C1QTNF3: variants seen among roughly 807,000 people sequenced by gnomAD.
C1QTNF3 encodes C1q and TNF related 3.
In C1QTNF3, 26 loss-of-function variants were observed where a neutral mutation model predicts 32.6. The observed-to-expected ratio is 0.80, with a 90% CI of 0.58 to 1.11. The LOEUF (loss-of-function observed/expected upper bound fraction) is 1.11. Ranked by LOEUF, C1QTNF3 falls within the 50% of genes least tolerant of loss-of-function variation. The pLI, the probability that C1QTNF3 is intolerant of heterozygous loss-of-function variation, is 0.00. For missense variants in C1QTNF3, 362 were observed against 398.2 expected (o/e 0.91, Z 0.77); for synonymous variants, 155 against 146.0 (o/e 1.06, Z -0.44).
At chr5:34,133,958 A>G in the C1QTNF3 span, among the ~76,000 whole-genome samples, 1 of 152,224 alleles carries the variant, frequency 6.6e-6, no homozygotes, top group Non-Finnish European at 1.5e-5. Context: ...CCAGCTGACT[A>G]TCCAAATGAG....
chr5:34,048,300 G>GAGAGAGAA, the C1QTNF3 span, among the ~76,000 whole-genome samples: 3 of 151,268 alleles, frequency 2.0e-5, no homozygotes, highest in African/African-American at 7.3e-5. Flanking sequence ...GAGAGAGAGA[G>GAGAGAGAA]AGAGAGAGAG....
the C1QTNF3 span, among the ~76,000 whole-genome samples, chr5:34,075,495 T>C: frequency 6.6e-6 from 1 of 151,618 alleles, no homozygotes; most frequent in South Asian, 2.1e-4. Context: ...TTAAGCATTA[T>C]TTAACCCAAT....
the C1QTNF3 span, among the ~76,000 whole-genome samples, chr5:34,073,587 T>C: frequency 6.6e-6 from 1 of 152,192 alleles, no homozygotes; most frequent in Non-Finnish European, 1.5e-5. Flanking sequence ...ACAGAATTTC[T>C]CAGACAAGAG....
the C1QTNF3 span, among the ~76,000 whole-genome samples, chr5:34,178,012 A>C: frequency 6.6e-6 from 1 of 150,806 alleles, no homozygotes; most frequent in Non-Finnish European, 1.5e-5. Flanking sequence ...CATGCCTGTA[A>C]TTCCAGCACT....
the C1QTNF3 span, among the ~76,000 whole-genome samples, chr5:34,085,828 T>C: frequency 6.6e-6 from 1 of 151,754 alleles, no homozygotes; most frequent in African/African-American, 2.4e-5. Flanking sequence ...GGAACACTTT[T>C]ACACTGTTGG....
At chr5:34,030,224 C>A (rs781472889) in intron 3 of C1QTNF3, among the ~76,000 whole-genome samples, 4 of 152,106 alleles carry the variant, frequency 2.6e-5, no homozygotes, top group Non-Finnish European at 5.9e-5. Flanking sequence ...TGGTCAACAC[C>A]CATTTCTGGG....
the C1QTNF3 span, among the ~76,000 whole-genome samples, chr5:34,157,203 G>A: frequency 3.3e-5 from 5 of 152,054 alleles, no homozygotes; most frequent in South Asian, 2.1e-4. Flanking sequence ...GATTACTCAC[G>A]GCCAAGACAT....
the C1QTNF3 span, among the ~76,000 whole-genome samples, chr5:34,222,112 G>C: frequency 6.6e-6 from 1 of 151,694 alleles, no homozygotes; most frequent in Admixed American, 6.6e-5. Flanking sequence ...TGATTTTTTT[G>C]TGATTATCCA....
the C1QTNF3 span, among the ~76,000 whole-genome samples, chr5:34,178,453 G>C: frequency 6.6e-6 from 1 of 151,784 alleles, no homozygotes; most frequent in African/African-American, 2.4e-5. Flanking sequence ...TGTTCCCTGT[G>C]TGTCAACTCC....
chr5:34,070,922 A>C, the C1QTNF3 span, among the ~76,000 whole-genome samples: 1 of 152,186 alleles, frequency 6.6e-6, no homozygotes, highest in Admixed American at 6.6e-5. Flanking sequence ...TGCCCTTCAA[A>C]TAACTTCAGA....
the C1QTNF3 span, among the ~76,000 whole-genome samples, chr5:34,223,344 T>C: frequency 2.0e-5 from 3 of 150,978 alleles, no homozygotes; most frequent in Admixed American, 6.6e-5. Flanking sequence ...ACAAAGGACA[T>C]GAACTCATCA....
the C1QTNF3 span, among the ~76,000 whole-genome samples, chr5:34,105,580 C>T: frequency 4.6e-5 from 7 of 151,874 alleles, no homozygotes; most frequent in African/African-American, 1.7e-4. Context: ...AAGTTATAGG[C>T]GATCCAGAAT....
chr5:34,110,007 A>ACTT, the C1QTNF3 span, among the ~76,000 whole-genome samples: 1 of 152,224 alleles, frequency 6.6e-6, no homozygotes, highest in South Asian at 2.1e-4. Context: ...ATATTCCATC[A>ACTT]CTTCTACCAT....
intron 5 of C1QTNF3, 133 bp downstream of exon 5, chr5:34,023,776 T>C (rs1407857868): frequency 3.3e-6 from 2 of 598,730 alleles, no homozygotes; most frequent in African/African-American, 3.7e-5. Context: ...GCCATACTGG[T>C]GCATGAGGGC....
chr5:34,025,078 G>T (rs1754427212), intron 4 of C1QTNF3, among the ~76,000 whole-genome samples: 1 of 152,218 alleles, frequency 6.6e-6, no homozygotes, highest in Admixed American at 6.5e-5. Flanking sequence ...ATGATGCTTT[G>T]TCTAGTGCCA....
At chr5:34,125,956 A>G in the C1QTNF3 span, among the ~76,000 whole-genome samples, 4 of 152,232 alleles carry the variant, frequency 2.6e-5, no homozygotes, top group South Asian at 2.1e-4. Context: ...CTTCAGGTGT[A>G]TAAGAGGGAA....
At chr5:34,035,618 G>T (rs1255461727) in intron 2 of C1QTNF3, 29 bp downstream of exon 2, 1 of 1,494,694 alleles carries the variant, frequency 6.7e-7, no homozygotes, top group Non-Finnish European at 9.3e-7. Context: ...GCTGCAATTA[G>T]ATTGACAGTA....
At chr5:34,244,478 C>T in the C1QTNF3 span, 10 of 152,212 alleles carry the variant, frequency 6.6e-5, no homozygotes, top group Admixed American at 6.5e-4. Context: ...GATGATTGGT[C>T]CATTTCATAG....
At position 34,043,204 on chromosome 5, in the gene C1QTNF3, G is replaced by T. The variant is rs1400653602; in HGVS notation, c.-79C>A. The T allele has an allele frequency of 1.4e-6, 2 of 1,445,846 alleles. No individual in the cohort carries two copies. The highest frequency in any genetic ancestry group is 4.5e-5 in the East Asian group (2 of 43,974). 89.6% of individuals were successfully genotyped at this position (1,445,846 alleles called of 1,614,324 possible). On this transcript the variant is annotated 5_prime_UTR_variant, in exon 1 of 6. Coordinates refer to ENST00000382065, the MANE Select transcript of C1QTNF3 (RefSeq NM_181435.6). ...CGTGGTCTCCTCGGGCAGATGCCAG[G>T]ACTGGAGCTGAGAGCTGCAGCGGCG...
Sources: allele counts gnomAD v4.1 joint callset (sites outside exome capture counted in the v4.1 genomes callset), GRCh38; gene constraint gnomAD v4.1.1; transcripts MANE v1.5; gene names NCBI Gene and HGNC (gene_info 2026-07-23, HGNC 2026-07-21).